Variants in CD99 observed in about 807,000 individuals in gnomAD.
The protein encoded by CD99 is CD99 molecule (Xg blood group).
Under a neutral mutation model 28.4 loss-of-function variants are expected in CD99, and 19 were observed. That is an observed-to-expected ratio of 0.67 (90% confidence interval 0.47 to 0.98). CD99 has a LOEUF of 0.98. Among genes scored for constraint, CD99 ranks in the 50% least tolerant of loss-of-function variants. The pLI is 0.00. For synonymous variants in CD99, 103 were observed against 92.1 expected, an observed-to-expected ratio of 1.12 and a Z score of -0.67; for missense variants, 283 against 248.8, an observed-to-expected ratio of 1.14 and a Z score of -0.92.
chrX:2,718,114 T>C (rs2048822702), intron 3 of CD99: 2 of 164,316 alleles, frequency 1.2e-5, no homozygotes, highest in African/African-American at 4.8e-5. Context: ...TTAATTGTTG[T>C]ATTTTTAGTC....
chrX:2,716,812 C>A (rs2048745181), intron 2 of CD99, among the ~76,000 whole-genome samples: 1 of 152,204 alleles, frequency 6.6e-6, no homozygotes. Flanking sequence ...CTTAGTCTTA[C>A]AGCCTCCACC....
intron 7 of CD99, among the ~76,000 whole-genome samples, chrX:2,725,716 C>T (rs1369945466): frequency 2.6e-5 from 4 of 152,122 alleles, no homozygotes; most frequent in Admixed American, 6.6e-5. Flanking sequence ...CAGGTTCAAG[C>T]GATTCTCTGG....
At chrX:2,734,620 C>CA (rs1569450057) in intron 8 of CD99, among the ~76,000 whole-genome samples, 1 of 142,474 alleles carries the variant, frequency 7.0e-6, no homozygotes, top group Non-Finnish European at 1.6e-5. Flanking sequence ...TTTCTTTTTT[C>CA]TTTTTTTTTT....
chrX:2,733,153 GTCT>G (rs2049757926), intron 8 of CD99: 11 of 125,926 alleles, frequency 8.7e-5, no homozygotes, highest in Admixed American at 4.7e-4. Flanking sequence ...GCCTTCCTCT[GTCT>G]CTCCCTTCCT....
chrX:2,723,666 C>G (rs181847867), intron 7 of CD99, among the ~76,000 whole-genome samples: 2 of 152,152 alleles, frequency 1.3e-5, no homozygotes, highest in Non-Finnish European at 2.9e-5. Context: ...TACAAAAGCT[C>G]CTACACTCAC....
At chrX:2,702,214 T>C (rs1245451691) in intron 1 of CD99, among the ~76,000 whole-genome samples, 1 of 152,058 alleles carries the variant, frequency 6.6e-6, no homozygotes, top group African/African-American at 2.4e-5. Context: ...CCCAGGGCCT[T>C]GAGGGGTGAA....
intron 1 of CD99, among the ~76,000 whole-genome samples, chrX:2,696,178 A>G (rs5982830): frequency 0.59 from 88,929 of 151,996 alleles, 27,011 homozygotes; most frequent in Non-Finnish European, 0.69. Context: ...GGGCAGCAAC[A>G]AAATGGCAGA....
intron 8 of CD99, among the ~76,000 whole-genome samples, chrX:2,734,717 T>C (rs1319921864): frequency 6.6e-6 from 1 of 151,764 alleles, no homozygotes; most frequent in Non-Finnish European, 1.5e-5. Context: ...TTTTTTACTT[T>C]TATTTCTTCT....
chrX:2,720,425 G>C lies in CD99; in HGVS notation c.262+1G>C, dbSNP rs1168292062. ...AACCCCAACCACCCTAGTTCCTCCG[G>C]TAAGAGTCTCTGACCCTGTGGGATG... On this transcript the variant is annotated splice_donor_variant, in intron 5 of 9. Transcript: ENST00000381192. LOFTEE classifies it high-confidence loss of function. 1 of 1,613,300 alleles carries C rather than the reference G, an allele frequency of 6.2e-7. No individual in the cohort carries two copies. The highest frequency in any genetic ancestry group is 1.3e-5 in the African/African-American group (1 of 74,818).
At chrX:2,729,440 TA>T (rs3835366) in intron 8 of CD99, among the ~76,000 whole-genome samples, 100,869 of 151,884 alleles carry the variant, frequency 0.66, 34,463 homozygotes, top group African/African-American at 0.8. Flanking sequence ...TCAGGAAACT[TA>T]ACAATCATGG....
chrX:2,702,103 G>A (rs1407827657), intron 1 of CD99, among the ~76,000 whole-genome samples: 1 of 152,196 alleles, frequency 6.6e-6, no homozygotes, highest in Non-Finnish European at 1.5e-5. Flanking sequence ...TCCTTAAACT[G>A]TAATGTGCTT....
chrX:2,739,868 G>C (rs1346432342), intron 9 of CD99, among the ~76,000 whole-genome samples: 1 of 148,060 alleles, frequency 6.8e-6, no homozygotes, highest in Non-Finnish European at 1.5e-5. Context: ...CTGAGGTTGG[G>C]AGTTCGAGAC....
chrX:2,693,953 G>C (rs1457679162), intron 1 of CD99, among the ~76,000 whole-genome samples: 8 of 152,172 alleles, frequency 5.3e-5, no homozygotes, highest in Non-Finnish European at 1.2e-4. Flanking sequence ...GGGCCAGGAC[G>C]GCCTCCAGCA....
At chrX:2,735,257 A>G (rs1347941164) in intron 8 of CD99, among the ~76,000 whole-genome samples, 1 of 152,210 alleles carries the variant, frequency 6.6e-6, no homozygotes, top group Non-Finnish European at 1.5e-5. Flanking sequence ...ATAGGTACCC[A>G]TTAAAGCCAT....
intron 1 of CD99, among the ~76,000 whole-genome samples, chrX:2,708,033 G>A (rs2048204539): frequency 6.6e-6 from 1 of 152,154 alleles, no homozygotes; most frequent in African/African-American, 2.4e-5. Context: ...ACTGACTGAT[G>A]ATCATTGATT....
intron 1 of CD99, among the ~76,000 whole-genome samples, chrX:2,700,364 T>C (rs1262177801): frequency 6.6e-6 from 1 of 152,152 alleles, no homozygotes; most frequent in Non-Finnish European, 1.5e-5. Flanking sequence ...CATTTATCCA[T>C]CCATTTATGC....
chrX:2,706,191 C>T (rs1282109989), intron 1 of CD99, among the ~76,000 whole-genome samples: 1 of 151,860 alleles, frequency 6.6e-6, no homozygotes, highest in African/African-American at 2.4e-5. Context: ...AACCCAGTCT[C>T]TACTAAAAAT....
chrX:2,732,269 A>G (rs312199), intron 8 of CD99, among the ~76,000 whole-genome samples: 123,083 of 151,886 alleles, frequency 0.81, 49,949 homozygotes, highest in East Asian at 0.92. Context: ...ACCACTAACC[A>G]CACGGAGCCT....
At chrX:2,736,501 C>T (rs1040781190) in intron 8 of CD99, among the ~76,000 whole-genome samples, 18 of 152,040 alleles carry the variant, frequency 1.2e-4, no homozygotes, top group Non-Finnish European at 5.9e-5. Context: ...GCGACACCGA[C>T]AACATTTGGG....
Sources: gnomAD v4.1 joint callset for allele counts (sites outside exome capture counted in the v4.1 genomes callset) on GRCh38, gnomAD v4.1.1 for gene constraint, MANE v1.5 for transcripts, NCBI Gene and HGNC (gene_info 2026-07-23, HGNC 2026-07-21) for gene names.